The following STPG2 variants were observed in gnomAD, a reference collection of about 807,000 sequenced individuals.
The protein encoded by STPG2 is sperm tail PG-rich repeat containing 2.
In STPG2, 56 loss-of-function variants were observed where a neutral mutation model predicts 54.2. The ratio of observed to expected loss-of-function variants is 1.03; its 90% CI spans 0.83 to 1.29. The LOEUF is 1.29. Among genes scored for constraint, STPG2 ranks in the 50% most tolerant of loss-of-function variants. The pLI, the probability that STPG2 is intolerant of heterozygous loss-of-function variation, is 0.00. For synonymous variants in STPG2, 200 were observed against 181.8 expected (o/e 1.10, Z -0.81); for missense variants, 596 against 544.9 (o/e 1.09, Z -0.93).
intron 8 of STPG2, among the ~76,000 whole-genome samples, chr4:97,937,071 G>A (rs115900874): frequency 2.0e-5 from 3 of 151,804 alleles, no homozygotes; most frequent in Non-Finnish European, 2.9e-5. Flanking sequence ...GGTTTTGTTT[G>A]TTCCTTTTAA....
At chr4:97,467,476 T>C (rs1729815106) in intron 4 of STPG2, among the ~76,000 whole-genome samples, 1 of 151,866 alleles carries the variant, frequency 6.6e-6, no homozygotes, top group Non-Finnish European at 1.5e-5. Context: ...CAAATGAAGT[T>C]TTCAACTTTA....
chr4:97,559,225 G>A, intron 10 of STPG2, 108 bp from the exon 11 acceptor site: 1 of 712,894 alleles, frequency 1.4e-6, no homozygotes, highest in African/African-American at 1.8e-5. Context: ...TACAAAATTA[G>A]AAGTTAAATA....
At chr4:97,861,285 T>C (rs1286770126) in intron 8 of STPG2, among the ~76,000 whole-genome samples, 2 of 152,052 alleles carry the variant, frequency 1.3e-5, no homozygotes. Context: ...TAAAAAACTA[T>C]AATGAGATAT....
intron 5 of STPG2, 75 bp downstream of exon 5, chr4:98,105,878 C>T: frequency 7.8e-7 from 1 of 1,283,120 alleles, no homozygotes; most frequent in Non-Finnish European, 1.1e-6. Flanking sequence ...TCAAAGAGCA[C>T]AGTAACCTTG....
intron 5 of STPG2, among the ~76,000 whole-genome samples, chr4:98,019,024 G>T (rs10034821): frequency 0.39 from 57,943 of 149,272 alleles, 11,413 homozygotes; most frequent in Middle Eastern, 0.45. Flanking sequence ...TTAGTTTAAT[G>T]ATATCCCATT....
At chr4:97,568,171 A>C (rs1732503608) in intron 10 of STPG2, among the ~76,000 whole-genome samples, 1 of 152,234 alleles carries the variant, frequency 6.6e-6, no homozygotes, top group Non-Finnish European at 1.5e-5. Context: ...ATACTTTAAA[A>C]AAAATTAGTC....
intron 10 of STPG2, among the ~76,000 whole-genome samples, chr4:97,679,346 T>C (rs966870388): frequency 2.6e-5 from 4 of 152,086 alleles, no homozygotes; most frequent in Non-Finnish European, 4.4e-5. Flanking sequence ...TATCTCATTG[T>C]GGTTTTGATT....
intron 10 of STPG2, among the ~76,000 whole-genome samples, chr4:97,613,247 G>C (rs189490217): frequency 6.6e-6 from 1 of 152,120 alleles, no homozygotes; most frequent in Admixed American, 6.6e-5. Flanking sequence ...TAGTTCCTCA[G>C]TCTTTCCTTA....
At chr4:97,942,818 T>C (rs1578715574) in intron 8 of STPG2, among the ~76,000 whole-genome samples, 1 of 152,184 alleles carries the variant, frequency 6.6e-6, no homozygotes, top group Non-Finnish European at 1.5e-5. Flanking sequence ...ATTGATTAGC[T>C]ACATTTTAAA....
At chr4:97,849,616 G>A (rs1353959675) in intron 8 of STPG2, among the ~76,000 whole-genome samples, 1 of 152,130 alleles carries the variant, frequency 6.6e-6, no homozygotes, top group African/African-American at 2.4e-5. Flanking sequence ...CAAAGGACAC[G>A]AACAGACACT....
intron 10 of STPG2, among the ~76,000 whole-genome samples, chr4:97,571,869 T>A (rs1377823291): frequency 6.6e-6 from 1 of 152,158 alleles, no homozygotes; most frequent in Non-Finnish European, 1.5e-5. Context: ...TTCGTTGACA[T>A]ATCTTTTGGC....
chr4:97,602,328 G>A (rs1415489724), intron 10 of STPG2, among the ~76,000 whole-genome samples: 1 of 151,536 alleles, frequency 6.6e-6, no homozygotes, highest in East Asian at 1.9e-4. Context: ...TCAGTCAAAG[G>A]ACAGTTTTTG....
chr4:97,539,868 T>A lies in STPG2; in HGVS notation c.462+172831A>T, dbSNP rs145890621. On this transcript the variant is annotated intron_variant, in intron 4 of 4. Transcript: ENST00000522676. ...ACATGGAATCTGAACAACCTGCTCC[T>A]GGATGACTACTGGGTACATAACGAA... Among the ~76,000 whole-genome samples the A allele has an allele frequency of 4.1e-3, 632 of 152,322 alleles. 3 individuals carry two copies. The highest frequency in any genetic ancestry group is 0.02 in the South Asian group (98 of 4,830).
In STPG2 at chr4:97,465,451, C is replaced by G. The variant is rs542837755; in HGVS notation, c.462+247248G>C. Among the ~76,000 whole-genome samples, 5 of 152,126 alleles carry G rather than the reference C, an allele frequency of 3.3e-5. No homozygotes were observed. In the South Asian group the frequency reaches 1.0e-3, roughly 32 times the overall value. On this transcript the variant is annotated intron_variant, in intron 4 of 4. Coordinates refer to the STPG2 transcript ENST00000522676. Reference sequence around the variant, plus strand: ...TGGATATTTGAAAAATATATCTGTTCTTTGTGTATATATGCTTTCCAGGTT... The same window carrying G: ...TGGATATTTGAAAAATATATCTGTTGTTTGTGTATATATGCTTTCCAGGTT...
intron 8 of STPG2, among the ~76,000 whole-genome samples, chr4:97,911,966 A>G (rs1322999387): frequency 6.6e-6 from 1 of 152,126 alleles, no homozygotes; most frequent in Non-Finnish European, 1.5e-5. Flanking sequence ...TCTGGAACAA[A>G]GCTCCCTGAG....
intron 10 of STPG2, among the ~76,000 whole-genome samples, chr4:97,561,724 C>G (rs1303194941): frequency 2.0e-5 from 3 of 152,168 alleles, no homozygotes; most frequent in African/African-American, 7.2e-5. Flanking sequence ...TTGTTTTTCT[C>G]AGGTTTGTCA....
intron 4 of STPG2, among the ~76,000 whole-genome samples, chr4:97,449,866 T>C (rs1729320695): frequency 6.6e-6 from 1 of 152,180 alleles, no homozygotes; most frequent in Non-Finnish European, 1.5e-5. Context: ...ACATATCCTA[T>C]TGTTTTGATT....
intron 8 of STPG2, among the ~76,000 whole-genome samples, chr4:97,841,229 C>T (rs1728793204): frequency 6.6e-6 from 1 of 151,604 alleles, no homozygotes; most frequent in South Asian, 2.1e-4. Flanking sequence ...TCCTGAAAAT[C>T]AAATTGCTTA....
chr4:97,739,142 A>G (rs1422640643), intron 9 of STPG2, among the ~76,000 whole-genome samples: 3 of 152,212 alleles, frequency 2.0e-5, no homozygotes. Flanking sequence ...GAAGGCAGAA[A>G]TCAAGATGTT....
Sources: allele counts gnomAD v4.1 joint callset (sites outside exome capture counted in the v4.1 genomes callset), GRCh38; gene constraint gnomAD v4.1.1; transcripts MANE v1.5; gene names NCBI Gene and HGNC (gene_info 2026-07-23, HGNC 2026-07-21).